Variants in FRAS1 observed in about 807,000 individuals in gnomAD.
The protein encoded by FRAS1 is extracellular matrix organizing protein FRAS1.
In FRAS1, 290 loss-of-function variants were observed where a neutral mutation model predicts 435.2. That is an observed-to-expected ratio of 0.67 (90% CI 0.61 to 0.73). The LOEUF is 0.73. FRAS1 is among the 30% of genes least tolerant of loss of function. The probability of loss-of-function intolerance (pLI) is 0.00; values close to 1 mark genes in which losing one functional copy is unlikely to be tolerated. For missense variants in FRAS1, 4,860 were observed against 5,001.5 expected (o/e 0.97, Z 0.85); for synonymous variants, 1,800 against 1,851.0 (o/e 0.97, Z 0.71).
At chr4:78,405,182 G>A (rs1419244613) in intron 30 of FRAS1, among the ~76,000 whole-genome samples, 2 of 152,064 alleles carry the variant, frequency 1.3e-5, no homozygotes, top group African/African-American at 4.8e-5. Flanking sequence ...GTTTCATTAG[G>A]GCTTATTAGG....
intron 2 of FRAS1, among the ~76,000 whole-genome samples, chr4:78,108,893 A>G (rs570196581): frequency 1.6e-5 from 2 of 125,122 alleles, no homozygotes; most frequent in East Asian, 4.1e-4. Flanking sequence ...TCAAATAGAC[A>G]CAATAAAAAA....
At chr4:78,145,899 T>G (rs527241988) in intron 2 of FRAS1, among the ~76,000 whole-genome samples, 3 of 152,190 alleles carry the variant, frequency 2.0e-5, no homozygotes, top group Non-Finnish European at 4.4e-5. Flanking sequence ...TATAAACATC[T>G]GGCTTTTCCC....
Position 78,161,742 on chromosome 4 carries a change from C to CAAAAAAA in FRAS1, c.109-75744_109-75738dup, listed in dbSNP as rs71214399. 1.2e-3 allele frequency among the ~76,000 whole-genome samples: 31 copies of CAAAAAAA among 24,886 alleles called. 1 individual carries two copies. Among genetic ancestry groups the CAAAAAAA allele is most frequent in the East Asian group, 0.01 (7 of 680 alleles). 16.3% of individuals were successfully genotyped at this position (24,886 alleles called of 152,430 possible). A position where few individuals can be genotyped will look rare whatever the true frequency, so the allele number is the denominator to read the frequency against. ...GGGCAACAAGAGCAAAACTCTGTCT[C>CAAAAAAA]AAAAAAAAAAAAAAAAAAAAAAAAA... On this transcript the variant is annotated intron_variant, in intron 2 of 73. Transcript: ENST00000512123.
At position 78,479,696 on chromosome 4, in the gene FRAS1, T is replaced by C. The variant is rs751131626; in HGVS notation, c.8421T>C (p.Ala2807=). The C allele has an allele frequency of 6.3e-7, 1 of 1,595,350 alleles. No individual in the cohort carries two copies. Among genetic ancestry groups the C allele is most frequent in the Non-Finnish European group, 8.6e-7 (1 of 1,168,222 alleles). Residue 2807 remains alanine, a synonymous_variant, in exon 56 of 74, where the codon GCT becomes GCC. Transcript: ENST00000512123. ...CGACTGTGTCCCTGGGCAACACGGC[T>C]TTCACTGTCAGTGAGGACGCAGGTA... is the stretch of plus-strand genomic sequence containing the variant. The part of the protein sequence containing the change: ...DASTVSLGNT[A]FTVSEDAGTV...
intron 2 of FRAS1, among the ~76,000 whole-genome samples, chr4:78,202,964 C>T (rs1723104383): frequency 1.3e-5 from 2 of 152,132 alleles, no homozygotes; most frequent in Non-Finnish European, 2.9e-5. Context: ...GTGAGCTGGG[C>T]TTTCTTATTT....
At chr4:78,112,742 T>C (rs1742819825) in intron 2 of FRAS1, among the ~76,000 whole-genome samples, 1 of 152,094 alleles carries the variant, frequency 6.6e-6, no homozygotes, top group African/African-American at 2.4e-5. Context: ...TTATTATATA[T>C]CTAACAGTGT....
chr4:78,319,513 T>C (rs1729412496), intron 18 of FRAS1: 2 of 432,102 alleles, frequency 4.6e-6, no homozygotes, highest in Admixed American at 2.5e-5. Flanking sequence ...GGAAGTATTA[T>C]AGTTTCCTTT....
intron 41 of FRAS1, among the ~76,000 whole-genome samples, 174 bp from the exon 42 acceptor site, chr4:78,445,348 C>T (rs1034897477): frequency 2.0e-5 from 3 of 152,166 alleles, no homozygotes; most frequent in African/African-American, 7.2e-5. Flanking sequence ...AGTGAGGAAA[C>T]GGATCTGACC....
chr4:78,218,098 T>TCACACACACACACACACA (rs1553931228), intron 2 of FRAS1, among the ~76,000 whole-genome samples: 50 of 39,728 alleles, frequency 1.3e-3, no homozygotes, highest in African/African-American at 1.5e-3. Context: ...TCACTCTCTC[T>TCACACACACACACACACA]CACACACACA....
At chr4:78,330,020 C>T (rs985919995) in intron 18 of FRAS1, among the ~76,000 whole-genome samples, 6 of 152,140 alleles carry the variant, frequency 3.9e-5, no homozygotes, top group East Asian at 1.9e-4. Flanking sequence ...AAGCCTTCAT[C>T]GCCATGGCAC....
At chr4:78,369,186 A>G (rs1731399251) in intron 22 of FRAS1, among the ~76,000 whole-genome samples, 1 of 152,232 alleles carries the variant, frequency 6.6e-6, no homozygotes, top group African/African-American at 2.4e-5. Flanking sequence ...TAACTGGATT[A>G]GGAGTCAGGG....
chr4:78,463,853 G>A (rs553670387), intron 47 of FRAS1, among the ~76,000 whole-genome samples, 168 bp from the exon 48 acceptor site: 13 of 152,156 alleles, frequency 8.5e-5, no homozygotes, highest in Non-Finnish European at 1.3e-4. Context: ...ATATGCTGTT[G>A]TATCCACAAA....
At position 78,393,393 on chromosome 4, in the gene FRAS1, C is replaced by A. The variant is rs532375752; in HGVS notation, c.3975+5692C>A. ...GTTACATAAAATATCTTATAATAGTCTATTTTAACTGAAAGTTACGTTTTG... is the reference window on the plus strand; with the variant it reads ...GTTACATAAAATATCTTATAATAGTATATTTTAACTGAAAGTTACGTTTTG... On this transcript the variant is annotated intron_variant, in intron 29 of 73. Coordinates refer to ENST00000512123, the MANE Select transcript of FRAS1 (RefSeq NM_025074.7). Among the ~76,000 whole-genome samples, 8 of 132,560 alleles carry A rather than the reference C, an allele frequency of 6.0e-5. No individual in the cohort carries two copies. In the East Asian group the frequency reaches 1.6e-3, roughly 27 times the overall value. The allele number at this position is 132,560 out of a possible 152,430, so 87.0% of individuals were successfully genotyped here.
chr4:78,122,083 C>T (rs1018973789), intron 2 of FRAS1, among the ~76,000 whole-genome samples: 3 of 152,288 alleles, frequency 2.0e-5, no homozygotes, highest in Admixed American at 2.0e-4. Flanking sequence ...ACCCGTCAAC[C>T]AGTCACCTGC....
intron 27 of FRAS1, among the ~76,000 whole-genome samples, chr4:78,380,540 G>A (rs1263115810): frequency 6.6e-6 from 1 of 152,154 alleles, no homozygotes; most frequent in Non-Finnish European, 1.5e-5. Flanking sequence ...CCCCACCCCA[G>A]CTGACATATG....
intron 18 of FRAS1, 90 bp downstream of exon 18, chr4:78,319,076 GT>G: frequency 7.6e-7 from 1 of 1,316,564 alleles, no homozygotes; most frequent in South Asian, 1.3e-5. Context: ...GAAGACCGAT[GT>G]TTAATTTTAG....
intron 2 of FRAS1, among the ~76,000 whole-genome samples, chr4:78,102,121 AT>A (rs11399357): frequency 5.9e-5 from 9 of 151,864 alleles, no homozygotes; most frequent in Admixed American, 1.3e-4. Flanking sequence ...GAATATGGTG[AT>A]TTTTTTTTAA....
intron 36 of FRAS1, 26 bp downstream of exon 36, chr4:78,429,252 C>T (rs1734120613): frequency 6.3e-7 from 1 of 1,592,138 alleles, no homozygotes. Context: ...CTGATAGAAA[C>T]ATGGCTTTGG....
intron 25 of FRAS1, 100 bp from the exon 26 acceptor site, chr4:78,375,639 T>C: frequency 4.0e-6 from 4 of 1,003,596 alleles, no homozygotes; most frequent in Non-Finnish European, 5.7e-6. Context: ...TGGGGCTCAT[T>C]TGTTGCATGT....
Sources: gnomAD v4.1 joint callset for allele counts (sites outside exome capture counted in the v4.1 genomes callset) on GRCh38, gnomAD v4.1.1 for gene constraint, MANE v1.5 for transcripts, NCBI Gene and HGNC (gene_info 2026-07-23, HGNC 2026-07-21) for gene names.